PTPRE: variants seen among roughly 807,000 people sequenced by gnomAD.
PTPRE encodes receptor-type tyrosine-protein phosphatase epsilon.
In PTPRE, 51 loss-of-function variants were observed where a neutral mutation model predicts 102.0. The observed-to-expected ratio is 0.50, with a 90% CI of 0.40 to 0.63. The LOEUF is 0.63. PTPRE is among the 30% of genes least tolerant of loss of function. PTPRE has a pLI of 0.00. For missense variants in PTPRE, 752 were observed against 915.1 expected (o/e 0.82, Z 2.30); for synonymous variants, 345 against 348.2 (o/e 0.99, Z 0.10).
Position 127,907,261 on chromosome 10 carries a change from G to A in PTPRE, c.-79G>A, listed in dbSNP as rs1317135003. 4.1e-6 allele frequency: 4 copies of A among 984,576 alleles called. No individual in the cohort carries two copies. Among genetic ancestry groups the A allele is most frequent in the Non-Finnish European group, 4.8e-6 (4 of 829,666 alleles). 61.0% of individuals were successfully genotyped at this position (984,576 alleles called of 1,614,324 possible). On this transcript the variant is annotated 5_prime_UTR_variant, in exon 1 of 21. Coordinates refer to ENST00000254667, the MANE Select transcript of PTPRE (RefSeq NM_006504.6). This position sits in a 1 kb window ranked among gnomAD's most constrained non-coding sequence, Gnocchi z 4.8. ...CGGCGGGCAGGCGCCCGGGAGATGC[G>A]GAGCCTCCGCTGCAGCGCGATCTGC...
chr10:128,073,505 GCA>G lies in PTPRE; in HGVS notation c.1599+35_1599+36del, dbSNP rs758907323. On this transcript the variant is annotated intron_variant, in intron 17 of 20. Transcript: ENST00000254667. ...TGCCGCCCAGCCCGGTCCCTCCAGG[GCA>G]GCCTGTGCACCTGAGGCACTGTCCC... 2.3e-5 allele frequency: 37 copies of G among 1,603,758 alleles called. 1 individual carries two copies. Among genetic ancestry groups the G allele is most frequent in the Admixed American group, 1.4e-4 (8 of 59,100 alleles).
At position 127,942,147 on chromosome 10, in the gene PTPRE, G is replaced by A. The variant is rs994505155; in HGVS notation, c.-31+34838G>A. Among the ~76,000 whole-genome samples, 8 of 152,284 alleles carry A rather than the reference G, an allele frequency of 5.3e-5. No homozygotes were observed. In the South Asian group the frequency reaches 1.2e-3, roughly 24 times the overall value. On this transcript the variant is annotated intron_variant, in intron 1 of 20. Transcript: ENST00000254667. ...GCCATGGAAGGAAGCTGGAGACCAC[G>A]ATGTCAGAGAAATGAGAATGAGAGA...
intron 7 of PTPRE, among the ~76,000 whole-genome samples, chr10:128,060,410 C>T (rs1031433372): frequency 9.2e-5 from 14 of 152,194 alleles, no homozygotes; most frequent in Non-Finnish European, 1.8e-4. Context: ...GGGCAGACTC[C>T]GGTGGTGGGA....
At chr10:127,918,999 C>G (rs1846407587) in intron 1 of PTPRE, among the ~76,000 whole-genome samples, 2 of 152,132 alleles carry the variant, frequency 1.3e-5, no homozygotes, top group Non-Finnish European at 2.9e-5. Context: ...ATGGACAAGT[C>G]TATTATAGGA....
chr10:128,040,992 T>A lies in PTPRE; in HGVS notation c.109+2T>A, dbSNP rs1156701339. ...GCAACGAGACAACCACGACCTCAGG[T>A]AAGGACCCCTTTCCCTGGCTGCCTC... On this transcript the variant is annotated splice_donor_variant, in intron 3 of 20. Transcript: ENST00000254667. LOFTEE classifies it high-confidence loss of function. 6.2e-7 allele frequency: 1 copy of A among 1,613,488 alleles called. No individual in the cohort carries two copies. Among genetic ancestry groups the A allele is most frequent in the Non-Finnish European group, 8.5e-7 (1 of 1,179,680 alleles).
At chr10:128,066,905 C>A (rs1023585824) in intron 11 of PTPRE, among the ~76,000 whole-genome samples, 5 of 151,920 alleles carry the variant, frequency 3.3e-5, no homozygotes, top group Non-Finnish European at 7.4e-5. Context: ...CACACGCACA[C>A]ACATACTCCC....
At chr10:128,033,941 A>G (rs1384204512) in intron 2 of PTPRE, among the ~76,000 whole-genome samples, 1 of 152,238 alleles carries the variant, frequency 6.6e-6, no homozygotes, top group Non-Finnish European at 1.5e-5. Flanking sequence ...CACTGCACCC[A>G]GCCTCACAGC....
intron 1 of PTPRE, among the ~76,000 whole-genome samples, chr10:127,926,818 T>A (rs1188078733): frequency 5.5e-5 from 8 of 144,398 alleles, no homozygotes; most frequent in Non-Finnish European, 1.2e-4. Flanking sequence ...TTTTTTTTTT[T>A]TTTTTTTTTT....
At chr10:127,949,158 G>A (rs753566902) in intron 1 of PTPRE, among the ~76,000 whole-genome samples, 1 of 152,182 alleles carries the variant, frequency 6.6e-6, no homozygotes, top group South Asian at 2.1e-4. Context: ...TTCAGACCTG[G>A]ACTGAACCAT....
chr10:128,075,647 G>T (rs955847498), intron 17 of PTPRE, among the ~76,000 whole-genome samples: 4 of 152,218 alleles, frequency 2.6e-5, no homozygotes, highest in African/African-American at 9.7e-5. Flanking sequence ...CATCAACAAT[G>T]TATAAGAGAT....
rs3210509 is a variant in PTPRE, at chr10:128,083,514, T to A, written c.*608T>A. ...TAGCTGGTGACTATAAATAATATTT[T>A]AAAATGCTGTGTCTACACCATCAAG... On this transcript the variant is annotated 3_prime_UTR_variant, in exon 21 of 21. Transcript: ENST00000254667. 0.55 allele frequency: 83,047 copies of A among 152,114 alleles called. 22,855 individuals carry two copies. Among genetic ancestry groups the A allele is most frequent in the Admixed American group, 0.62 (9,455 of 15,276 alleles). The allele number at this position is 152,114 out of a possible 1,614,324, so 9.4% of individuals were successfully genotyped here. A position where few individuals can be genotyped will look rare whatever the true frequency, so the allele number is the denominator to read the frequency against.
chr10:128,076,692 C>A lies in PTPRE; in HGVS notation c.1689C>A (p.Ala563=). 2 of 1,611,196 alleles carry A rather than the reference C, an allele frequency of 1.2e-6. No homozygotes were observed. The highest frequency in any genetic ancestry group is 4.5e-5 in the East Asian group (2 of 44,828). The change falls in exon 18 of 21, where the codon GCC becomes GCA. Residue 563 remains alanine (A), a synonymous_variant. Transcript: ENST00000254667. ...TAAAGAATGATACCCTTTCAGAAGC[C>A]ATCAGTATACGAGACTTTCTGGTCA... ...IEIKNDTLSE[A]ISIRDFLVTL...
chr10:128,068,520 T>C, intron 12 of PTPRE: 1 of 386,368 alleles, frequency 2.6e-6, no homozygotes, highest in Non-Finnish European at 4.5e-6. Context: ...GAGGCTCCGG[T>C]TGATGGTGGG....
intron 10 of PTPRE, 79 bp downstream of exon 10, chr10:128,063,259 T>C: frequency 6.4e-7 from 1 of 1,559,548 alleles, no homozygotes; most frequent in East Asian, 2.3e-5. Context: ...TACCACTTCC[T>C]TTTCCTACTT....
chr10:127,910,693 A>G (rs1214222662), intron 1 of PTPRE, among the ~76,000 whole-genome samples: 1 of 152,190 alleles, frequency 6.6e-6, no homozygotes, highest in African/African-American at 2.4e-5. Context: ...GGGACATAGG[A>G]TACATATAAT....
At chr10:127,987,716 A>T (rs1241787601) in intron 2 of PTPRE, among the ~76,000 whole-genome samples, 1 of 152,188 alleles carries the variant, frequency 6.6e-6, no homozygotes, top group African/African-American at 2.4e-5. Context: ...CTTTTTAGAA[A>T]AACAGTCCCT....
At chr10:128,013,306 A>G (rs1845163779) in intron 2 of PTPRE, among the ~76,000 whole-genome samples, 1 of 152,210 alleles carries the variant, frequency 6.6e-6, no homozygotes. Flanking sequence ...TAGAGGAAAC[A>G]TAAAGTTGCC....
rs1846480362 is a variant in PTPRE, at chr10:128,028,824, T to C, written c.-7-12051T>C. On this transcript the variant is annotated intron_variant, in intron 2 of 20. Coordinates refer to ENST00000254667, the MANE Select transcript of PTPRE (RefSeq NM_006504.6). The surrounding 1 kb of genome is among the most constrained non-coding windows in gnomAD (Gnocchi z 4.5). ...CAGTCCCCACCCATGGCCACTCACT[T>C]CCACCCTGCCCCGGCCCAGCCCTGG... Among the ~76,000 whole-genome samples, 1 of 151,984 alleles carries C rather than the reference T, an allele frequency of 6.6e-6. No individual in the cohort carries two copies. The highest frequency in any genetic ancestry group is 6.6e-5 in the Admixed American group (1 of 15,264).
intron 1 of PTPRE, among the ~76,000 whole-genome samples, chr10:127,963,696 G>A (rs575780193): frequency 2.0e-5 from 3 of 152,026 alleles, no homozygotes; most frequent in Non-Finnish European, 4.4e-5. Context: ...GTGCATGCAT[G>A]CGTGCGTGCA....
Sources: gnomAD v4.1 joint callset for allele counts (sites outside exome capture counted in the v4.1 genomes callset) on GRCh38, gnomAD v4.1.1 for gene constraint, Gnocchi (gnomAD v3.1) non-coding constraint, MANE v1.5 for transcripts, NCBI Gene and HGNC (gene_info 2026-07-23, HGNC 2026-07-21) for gene names.